The following LRCH2 variants were observed in gnomAD, a reference collection of about 807,000 sequenced individuals.
LRCH2 encodes leucine-rich repeat and calponin homology domain-containing protein 2.
Under a neutral mutation model 68.9 loss-of-function variants are expected in LRCH2, and 38 were observed. The observed-to-expected ratio is 0.55, with a 90% CI of 0.43 to 0.72. LRCH2 has a LOEUF of 0.72. Ranked by LOEUF, LRCH2 falls within the 30% of genes least tolerant of loss-of-function variation. The pLI is 0.00. For missense variants in LRCH2, 528 were observed against 572.9 expected, an observed-to-expected ratio of 0.92 and a Z score of 0.80; for synonymous variants, 191 against 208.1, an observed-to-expected ratio of 0.92 and a Z score of 0.71.
Position 115,163,770 on chromosome X carries a change from G to C in LRCH2, c.1369C>G (p.Gln457Glu). Residue 457 changes from glutamine (Q) to glutamate (E), a missense_variant, in exon 11 of 21, where the codon CAG becomes GAG. Physicochemically the swap from Gln to Glu is conservative, Grantham distance 29 (BLOSUM62 2). Transcript: ENST00000317135. ...LGDEKRLEKE[Q>E]LLAEEEDDDL... ...TCATCCTCTTCCTCTGCCAGTAACT[G>C]TTCTTTCTCAAGTCTGAAAGGTGAC... is the stretch of plus-strand genomic sequence containing the variant. The C allele has an allele frequency of 8.4e-7, 1 of 1,188,658 alleles. No homozygotes were observed. Among genetic ancestry groups the C allele is most frequent in the Non-Finnish European group, 1.1e-6 (1 of 880,459 alleles).
At chrX:115,211,378 T>C (rs1333692294) in intron 1 of LRCH2, among the ~76,000 whole-genome samples, 1 of 111,740 alleles carries the variant, frequency 8.9e-6, no homozygotes, top group Non-Finnish European at 1.9e-5. Flanking sequence ...TCTGCCACCA[T>C]GTGACAAGTG....
intron 1 of LRCH2, among the ~76,000 whole-genome samples, chrX:115,231,170 C>A (rs1264554143): frequency 8.9e-6 from 1 of 111,746 alleles, no homozygotes; most frequent in Non-Finnish European, 1.9e-5. Flanking sequence ...CTTGTCTCTT[C>A]CTAATGCAAT....
Position 115,190,786 on chromosome X carries a change from G to A in LRCH2, c.350-2416C>T, listed in dbSNP as rs368878117. On this transcript the variant is annotated intron_variant, in intron 1 of 20. Coordinates refer to ENST00000317135, the MANE Select transcript of LRCH2 (RefSeq NM_020871.4). ...TGATGCCCACAGCAGGGGCCGGTCCGACGACGCCTACAGTGGGGGCCATGA... is the reference window on the plus strand; with the variant it reads ...TGATGCCCACAGCAGGGGCCGGTCCAACGACGCCTACAGTGGGGGCCATGA... 4.1e-5 allele frequency: 48 copies of A among 1,163,574 alleles called. No individual in the cohort carries two copies. The East Asian group carries it at 6.2e-4, about 15-fold the overall frequency.
intron 11 of LRCH2, among the ~76,000 whole-genome samples, chrX:115,160,399 C>G (rs2072510618): frequency 8.9e-6 from 1 of 111,856 alleles, no homozygotes; most frequent in African/African-American, 3.2e-5. Context: ...AGGAAATCAT[C>G]ACTGAACTCA....
chrX:115,214,118 C>T (rs1313805836), intron 1 of LRCH2, among the ~76,000 whole-genome samples: 2 of 112,070 alleles, frequency 1.8e-5, no homozygotes, highest in Non-Finnish European at 3.8e-5. Context: ...ATTAAATGTT[C>T]TCTGTTCTTT....
chrX:115,123,184 G>A lies in LRCH2; in HGVS notation c.1858C>T (p.Arg620Cys), dbSNP rs371338145. ...GCCCCATATTCTTGGCGAGATGAGCGGCTAAAAGCTATAAAAACAGAAATT... is the reference window on the plus strand; with the variant it reads ...GCCCCATATTCTTGGCGAGATGAGCAGCTAAAAGCTATAAAAACAGAAATT... ...FGLKPRSAFSRSSRQEYGAAD... is the reference protein window; with the variant it reads ...FGLKPRSAFSCSSRQEYGAAD... Residue 620 changes from arginine (R) to cysteine (C), a missense_variant, in exon 18 of 21, where the codon CGC becomes TGC. Physicochemically the swap from Arg to Cys is radical, Grantham distance 180 (BLOSUM62 -3). Coordinates refer to ENST00000317135, the MANE Select transcript of LRCH2 (RefSeq NM_020871.4). 1.4e-5 allele frequency: 17 copies of A among 1,198,701 alleles called. No homozygotes were observed. The highest frequency in any genetic ancestry group is 1.9e-5 in the Non-Finnish European group (17 of 889,213).
At chrX:115,129,899 A>T (rs1299696398) in intron 15 of LRCH2, among the ~76,000 whole-genome samples, 1 of 111,694 alleles carries the variant, frequency 9.0e-6, no homozygotes, top group Non-Finnish European at 1.9e-5. Flanking sequence ...ACACTCACAT[A>T]TGACAGGTCT....
intron 14 of LRCH2, among the ~76,000 whole-genome samples, chrX:115,132,706 G>C (rs782556653): frequency 5.4e-5 from 6 of 111,579 alleles, no homozygotes; most frequent in Non-Finnish European, 9.4e-5. Flanking sequence ...CTTCAACCCA[G>C]TGTGCCAGAG....
chrX:115,165,339 A>C, intron 10 of LRCH2, 66 bp downstream of exon 10: 2 of 780,723 alleles, frequency 2.6e-6, no homozygotes, highest in South Asian at 5.8e-5. Context: ...GTACTCTTTC[A>C]AGTAGGAATA....
At chrX:115,124,966 C>T (rs910097900) in intron 16 of LRCH2, among the ~76,000 whole-genome samples, 19 of 111,215 alleles carry the variant, frequency 1.7e-4, no homozygotes, top group African/African-American at 5.2e-4. Context: ...TCTGTTAACA[C>T]GTGATATGCA....
Position 115,227,583 on chromosome X carries a change from T to G in LRCH2, c.349+6110A>C, listed in dbSNP as rs2073127424. Among the ~76,000 whole-genome samples the G allele has an allele frequency of 2.7e-5, 3 of 109,188 alleles. No homozygotes were observed. In the South Asian group the frequency reaches 1.2e-3, roughly 43 times the overall value. The allele number at this position is 109,188 out of a possible 115,157, so 94.8% of individuals were successfully genotyped here. Reference sequence around the variant, plus strand: ...ATTCACAAAAACCTTTAAATGTAATTATTTCCCATTGACATAGACATCCCC... The same window carrying G: ...ATTCACAAAAACCTTTAAATGTAATGATTTCCCATTGACATAGACATCCCC... On this transcript the variant is annotated intron_variant, in intron 1 of 20. Transcript: ENST00000317135.
At chrX:115,161,923 C>T (rs1007651321) in intron 11 of LRCH2, among the ~76,000 whole-genome samples, 1 of 90,639 alleles carries the variant, frequency 1.1e-5, no homozygotes, top group African/African-American at 4.0e-5. Context: ...AATGGATAGG[C>T]CTGTCGGTTT....
chrX:115,177,803 AC>A (rs1354552517), intron 5 of LRCH2, among the ~76,000 whole-genome samples: 1 of 94,236 alleles, frequency 1.1e-5, no homozygotes, highest in Admixed American at 1.2e-4. Context: ...TGCCCCCCAC[AC>A]CCCCACAGGC....
At chrX:115,221,183 A>C (rs1556573493) in intron 1 of LRCH2, among the ~76,000 whole-genome samples, 2 of 68,938 alleles carry the variant, frequency 2.9e-5, no homozygotes, top group Non-Finnish European at 4.8e-5. Flanking sequence ...TCTTAACAAA[A>C]AAAAAAAAAA....
chrX:115,152,122 C>T (rs1036530172), intron 12 of LRCH2, among the ~76,000 whole-genome samples: 1 of 111,437 alleles, frequency 9.0e-6, no homozygotes, highest in Non-Finnish European at 1.9e-5. Context: ...AGGAGTAGTA[C>T]CAGTTCCCAC....
chrX:115,128,332 C>G (rs899033165), intron 15 of LRCH2, among the ~76,000 whole-genome samples: 1 of 111,359 alleles, frequency 9.0e-6, no homozygotes, highest in South Asian at 3.8e-4. Flanking sequence ...TCCAAGAACC[C>G]CAGTGAATGC....
In LRCH2 at chrX:115,161,075, G is replaced by C. The variant is rs986028898; in HGVS notation, c.1463+2601C>G. ...TAAAAGTAAAATGTGCTCTTTGGCC[G>C]GGCGTGGTGGCTCACGCCTGTAATC... is the stretch of plus-strand genomic sequence containing the variant. On this transcript the variant is annotated intron_variant, in intron 11 of 20. Coordinates refer to ENST00000317135, the MANE Select transcript of LRCH2 (RefSeq NM_020871.4). Among the ~76,000 whole-genome samples the C allele has an allele frequency of 3.6e-5, 4 of 112,338 alleles. No individual in the cohort carries two copies. The East Asian group carries it at 1.1e-3, about 31-fold the overall frequency.
chrX:115,189,894 G>A (rs2072770901), intron 1 of LRCH2: 1 of 1,161,976 alleles, frequency 8.6e-7, no homozygotes, highest in Non-Finnish European at 1.1e-6. Flanking sequence ...GGAAGCGCGG[G>A]CCGCCACCGC....
At position 115,165,595 on chromosome X, in the gene LRCH2, C is replaced by A; in HGVS notation, c.1259G>T (p.Gly420Val). 1 of 1,169,359 alleles carries A rather than the reference C, an allele frequency of 8.6e-7. No individual in the cohort carries two copies. Among genetic ancestry groups the A allele is most frequent in the African/African-American group, 1.8e-5 (1 of 56,457 alleles). ...TACAAATGATCCAATATGTGCATTT[C>A]CCTGTTCAGGAACTGCTACATCTTC... is the stretch of plus-strand genomic sequence containing the variant. ...NTEDVAVPEQ[G>V]NAHIGSFVSF... is the part of the protein sequence containing the mutation. The change falls in exon 9 of 21, where the codon GGA becomes GTA. Residue 420 changes from glycine to valine, a missense_variant. Gly to Val is a moderately radical substitution (Grantham distance 109). Transcript: ENST00000317135.
Sources: gnomAD v4.1 joint callset for allele counts (sites outside exome capture counted in the v4.1 genomes callset) on GRCh38, gnomAD v4.1.1 for gene constraint, MANE v1.5 for transcripts, NCBI Gene and HGNC (gene_info 2026-07-23, HGNC 2026-07-21) for gene names.